PTPRD: variants seen among roughly 807,000 people sequenced by gnomAD.
The protein encoded by PTPRD is receptor-type tyrosine-protein phosphatase delta.
Under a neutral mutation model 214.5 loss-of-function variants are expected in PTPRD, and 34 were observed. That is an observed-to-expected ratio of 0.16 (90% CI 0.12 to 0.21). The LOEUF is 0.21. PTPRD is among the 10% of genes least tolerant of loss of function. The pLI is 1.00. For missense variants in PTPRD, 2,545 were observed against 2,398.7 expected, an observed-to-expected ratio of 1.06 and a Z score of -1.27; for synonymous variants, 1,128 against 845.7, an observed-to-expected ratio of 1.33 and a Z score of -5.79.
chr9:10,337,734 C>A (rs1171738384), intron 3 of PTPRD, among the ~76,000 whole-genome samples: 1 of 151,596 alleles, frequency 6.6e-6, no homozygotes, highest in Non-Finnish European at 1.5e-5. Context: ...ACACTTAGAG[C>A]CAGTCTATGA....
chr9:10,340,061 C>T (rs1405757082), intron 3 of PTPRD, among the ~76,000 whole-genome samples: 1 of 151,726 alleles, frequency 6.6e-6, no homozygotes, highest in Non-Finnish European at 1.5e-5. Flanking sequence ...TATAACTCCA[C>T]ATAAATACAT....
chr9:10,354,981 T>A (rs1047690298), intron 2 of PTPRD, among the ~76,000 whole-genome samples: 2 of 152,214 alleles, frequency 1.3e-5, no homozygotes, highest in Non-Finnish European at 2.9e-5. Flanking sequence ...GCTAAATAGA[T>A]GTATACTTCC....
At chr9:9,711,420 G>A (rs779121502) in intron 7 of PTPRD, among the ~76,000 whole-genome samples, 8 of 151,860 alleles carry the variant, frequency 5.3e-5, no homozygotes, top group Non-Finnish European at 1.0e-4. Flanking sequence ...TATTTACTTT[G>A]TATCTATTAT....
intron 9 of PTPRD, among the ~76,000 whole-genome samples, chr9:9,363,075 G>A (rs2056747961): frequency 6.7e-6 from 1 of 148,604 alleles, no homozygotes; most frequent in Non-Finnish European, 1.5e-5. Context: ...GCTAACAAAG[G>A]AAGAATAATT....
intron 7 of PTPRD, among the ~76,000 whole-genome samples, chr9:9,608,427 A>C (rs987453431): frequency 6.6e-6 from 1 of 152,170 alleles, no homozygotes; most frequent in Admixed American, 6.6e-5. Flanking sequence ...GAAAATTTCT[A>C]TTCTTAAAAA....
At position 8,341,785 on chromosome 9, in the gene PTPRD, C is replaced by G. The variant is rs776356704; in HGVS notation, c.4855G>C (p.Glu1619Gln). The G allele has an allele frequency of 6.2e-7, 1 of 1,613,550 alleles. No homozygotes were observed. The highest frequency in any genetic ancestry group is 1.1e-5 in the South Asian group (1 of 91,066). The change falls in exon 40 of 46, where the codon GAA becomes CAA. Residue 1619 changes from glutamate (E) to glutamine (Q), a missense_variant. Coordinates refer to ENST00000381196, the MANE Select transcript of PTPRD (RefSeq NM_002839.4). ...GCATACAAGTTTCTAGCTGGCACTT[C>G]GGTATTTCCACAAGTCACTGCTTCT... is the stretch of plus-strand genomic sequence containing the variant. ...LLEAVTCGNT[E>Q]VPARNLYAYI...
intron 9 of PTPRD, among the ~76,000 whole-genome samples, chr9:9,338,244 G>A (rs974868364): frequency 1.3e-5 from 2 of 152,104 alleles, no homozygotes; most frequent in African/African-American, 4.8e-5. Flanking sequence ...TAGAAGACAA[G>A]GTTTAACAGA....
intron 12 of PTPRD, among the ~76,000 whole-genome samples, chr9:8,723,642 G>A (rs183156247): frequency 6.6e-6 from 1 of 152,220 alleles, no homozygotes; most frequent in East Asian, 1.9e-4. Flanking sequence ...GATATTAGAG[G>A]AGTTTCTATC....
At chr9:8,489,432 C>A (rs1376889335) in intron 27 of PTPRD, among the ~76,000 whole-genome samples, 1 of 152,158 alleles carries the variant, frequency 6.6e-6, no homozygotes, top group Non-Finnish European at 1.5e-5. Context: ...AACAGTCATT[C>A]CTTCCCTGGG....
chr9:10,559,672 T>C (rs1439847325), intron 2 of PTPRD, among the ~76,000 whole-genome samples: 1 of 152,034 alleles, frequency 6.6e-6, no homozygotes, highest in East Asian at 1.9e-4. Context: ...GAAAAAGGGC[T>C]AATATCCAGA....
At chr9:9,316,224 C>T (rs1037526778) in intron 9 of PTPRD, among the ~76,000 whole-genome samples, 2 of 151,888 alleles carry the variant, frequency 1.3e-5, no homozygotes, top group African/African-American at 2.4e-5. Flanking sequence ...ACCCCTATGT[C>T]TCCCTCTCCT....
chr9:10,097,222 C>T (rs914044941), intron 3 of PTPRD, among the ~76,000 whole-genome samples: 1 of 149,500 alleles, frequency 6.7e-6, no homozygotes, highest in Admixed American at 6.7e-5. Flanking sequence ...GTAATGCGGG[C>T]TCTTTTTTGG....
intron 2 of PTPRD, among the ~76,000 whole-genome samples, chr9:10,354,585 A>C (rs1472443226): frequency 6.6e-6 from 1 of 152,216 alleles, no homozygotes; most frequent in Non-Finnish European, 1.5e-5. Flanking sequence ...TGCTTTTACA[A>C]GAATGTTTAT....
At chr9:10,441,378 T>G (rs1242978934) in intron 2 of PTPRD, among the ~76,000 whole-genome samples, 1 of 151,670 alleles carries the variant, frequency 6.6e-6, no homozygotes, top group African/African-American at 2.4e-5. Context: ...TCTGAATGTT[T>G]TGAATTTTCT....
rs748366637 is a variant in PTPRD at position 8,437,260 on chromosome 9, T to C, written c.3989-571A>G. The stretch of plus-strand genomic sequence containing the variant: ...TGAACCTGCAAAGGAAATGATGGTG[T>C]AAATAAAATAAAATAGAACAAATTC... On this transcript the variant is annotated intron_variant, in intron 34 of 45. Coordinates refer to ENST00000381196, the MANE Select transcript of PTPRD (RefSeq NM_002839.4). The C allele has an allele frequency of 8.1e-6, 12 of 1,486,192 alleles. No individual in the cohort carries two copies. In the African/African-American group the frequency reaches 1.4e-4, roughly 17 times the overall value. 92.1% of individuals were successfully genotyped at this position (1,486,192 alleles called of 1,614,324 possible).
Position 9,813,163 on chromosome 9 carries a change from A to G in PTPRD, c.-367-46312T>C, listed in dbSNP as rs553395700. ...GCAGTACAAGAAGTCCTAAGAGGGA[A>G]GTTCATAGTGACAAATGCTTACATT... On this transcript the variant is annotated intron_variant, in intron 5 of 45. Coordinates refer to ENST00000381196, the MANE Select transcript of PTPRD (RefSeq NM_002839.4). Among the ~76,000 whole-genome samples, 7 of 152,206 alleles carry G rather than the reference A, an allele frequency of 4.6e-5. No homozygotes were observed. In the South Asian group the frequency reaches 1.2e-3, roughly 27 times the overall value.
intron 10 of PTPRD, among the ~76,000 whole-genome samples, chr9:9,027,577 G>C (rs1157144926): frequency 6.6e-6 from 1 of 151,784 alleles, no homozygotes; most frequent in Non-Finnish European, 1.5e-5. Context: ...CCTAATTCCA[G>C]TTATTGTACT....
At chr9:10,504,739 T>G (rs1589627153) in intron 2 of PTPRD, among the ~76,000 whole-genome samples, 1 of 152,188 alleles carries the variant, frequency 6.6e-6, no homozygotes, top group Non-Finnish European at 1.5e-5. Flanking sequence ...TAAAGCTAAT[T>G]ACTAAAGAAT....
intron 40 of PTPRD, 57 bp downstream of exon 40, chr9:8,341,636 A>G: frequency 6.3e-7 from 1 of 1,583,920 alleles, no homozygotes; most frequent in East Asian, 2.2e-5. Flanking sequence ...GCCACGACTC[A>G]AAGACAAACC....
Sources: allele counts gnomAD v4.1 joint callset (sites outside exome capture counted in the v4.1 genomes callset), GRCh38; gene constraint gnomAD v4.1.1; transcripts MANE v1.5; gene names NCBI Gene and HGNC (gene_info 2026-07-23, HGNC 2026-07-21).